Variants in SLC43A2 observed in about 807,000 individuals in gnomAD.
SLC43A2 encodes the protein large neutral amino acids transporter small subunit 4.
In SLC43A2, 38 loss-of-function variants were observed where a neutral mutation model predicts 63.2. The observed-to-expected ratio is 0.60, with a 90% CI of 0.46 to 0.79. The LOEUF is 0.79. Among genes scored for constraint, SLC43A2 ranks in the 30% least tolerant of loss-of-function variants. SLC43A2 has a pLI of 0.00. For missense variants in SLC43A2, 644 were observed against 756.2 expected (o/e 0.85, Z 1.74); for synonymous variants, 322 against 331.0 (o/e 0.97, Z 0.30).
chr17:1,575,540 G>A lies in SLC43A2; in HGVS notation c.*64C>T, dbSNP rs2075911127. On this transcript the variant is annotated 3_prime_UTR_variant, in exon 14 of 14. Transcript: ENST00000301335. ...CTGGGGGTGCGTGGGGTACTCTGGA[G>A]GGGCAGGACAGGGGTCAGTCACTGA... 5 of 1,605,390 alleles carry A rather than the reference G, an allele frequency of 3.1e-6. No individual in the cohort carries two copies. The Admixed American group carries it at 5.0e-5, about 16-fold the overall frequency.
At chr17:1,620,521 C>G (rs1908054397) in intron 2 of SLC43A2, among the ~76,000 whole-genome samples, 1 of 152,132 alleles carries the variant, frequency 6.6e-6, no homozygotes, top group Non-Finnish European at 1.5e-5. Context: ...GGGCAGGGAC[C>G]TTGCACGTAG....
chr17:1,584,462 C>T (rs542322816), intron 10 of SLC43A2, among the ~76,000 whole-genome samples: 21 of 152,228 alleles, frequency 1.4e-4, no homozygotes, highest in African/African-American at 3.6e-4. Context: ...ATGGAGTCCT[C>T]GGTGGAGGGC....
At chr17:1,623,859 G>A (rs1020341117) in intron 2 of SLC43A2, among the ~76,000 whole-genome samples, 1 of 146,988 alleles carries the variant, frequency 6.8e-6, no homozygotes, top group African/African-American at 2.5e-5. Flanking sequence ...TCTCCTCCAG[G>A]GTGTACCCTC....
At chr17:1,588,303 T>C (rs1280958495) in intron 9 of SLC43A2, among the ~76,000 whole-genome samples, 1 of 152,026 alleles carries the variant, frequency 6.6e-6, no homozygotes, top group Non-Finnish European at 1.5e-5. Flanking sequence ...GAACAATCGC[T>C]TGAACCCGAG....
At position 1,591,719 on chromosome 17, in the gene SLC43A2, C is replaced by A; in HGVS notation, c.595-20G>T. On this transcript the variant is annotated intron_variant, in intron 6 of 13. Transcript: ENST00000301335. ...GATGAGCTGACAGGCACCGCGGGGACGGGGTGGGGGGGGGAGGGGGCAGAG... is the reference window on the plus strand; with the variant it reads ...GATGAGCTGACAGGCACCGCGGGGAAGGGGTGGGGGGGGGAGGGGGCAGAG... 1 of 118,056 alleles carries A rather than the reference C, an allele frequency of 8.5e-6. No homozygotes were observed. The highest frequency in any genetic ancestry group is 1.8e-5 in the Non-Finnish European group (1 of 55,430). 7.3% of individuals were successfully genotyped at this position (118,056 alleles called of 1,614,324 possible).
intron 11 of SLC43A2, among the ~76,000 whole-genome samples, chr17:1,582,498 T>C (rs2076034919): frequency 6.6e-6 from 1 of 152,170 alleles, no homozygotes; most frequent in African/African-American, 2.4e-5. Context: ...CACCACAGAT[T>C]GGCCAGATCT....
intron 3 of SLC43A2, among the ~76,000 whole-genome samples, chr17:1,615,700 G>A (rs985680070): frequency 4.0e-4 from 60 of 148,922 alleles, no homozygotes; most frequent in Non-Finnish European, 6.6e-4. Context: ...AAAATTAGCC[G>A]GGCGTGGTGG....
intron 10 of SLC43A2, 113 bp downstream of exon 10, chr17:1,585,800 G>C: frequency 1.2e-6 from 2 of 1,602,534 alleles, no homozygotes; most frequent in African/African-American, 1.3e-5. Context: ...GGAGCAGCTG[G>C]AGTGCATTGC....
chr17:1,585,941 C>T lies in SLC43A2; in HGVS notation c.1189G>A (p.Glu397Lys), dbSNP rs200971388. Residue 397 changes from glutamate (E) to lysine (K), a missense_variant, in exon 10 of 14, where the codon GAG becomes AAG. Transcript: ENST00000301335. Reference sequence around the variant, plus strand: ...TTGGCGTCTTTCTCCTCGGGCTCCTCGGAGGCGTCTTCACACTCCTTCAGC... The same window carrying T: ...TTGGCGTCTTTCTCCTCGGGCTCCTTGGAGGCGTCTTCACACTCCTTCAGC... Reference protein sequence around the residue: ...WRLKECEDASEEPEEKDANQG... With the variant: ...WRLKECEDASKEPEEKDANQG... 135 of 1,613,676 alleles carry T rather than the reference C, an allele frequency of 8.4e-5. 4 individuals are homozygous for T. The South Asian group carries it at 1.2e-3, about 14-fold the overall frequency.
In SLC43A2 at chr17:1,575,663, C is replaced by T; in HGVS notation, c.1651G>A (p.Glu551Lys). The change falls in exon 14 of 14, where the codon GAG (glutamate) becomes AAG (lysine). Residue 551 changes from glutamate to lysine, a missense_variant. Around this residue, in one of 3 missense-constraint regions of SLC43A2, gnomAD observed 105 missense variants for 101.7 expected, o/e 1.03. Coordinates refer to ENST00000301335, the MANE Select transcript of SLC43A2 (RefSeq NM_152346.3). ...ATTTTGAGGAAGAGTTTGTCATCCT[C>T]CTGCCTCTGCTGCAGCTGCCGCTCC... is the stretch of plus-strand genomic sequence containing the variant. Reference protein sequence around the residue: ...QLERQLQQRQEDDKLFLKING... With the variant: ...QLERQLQQRQKDDKLFLKING... 1 of 1,614,056 alleles carries T rather than the reference C, an allele frequency of 6.2e-7. No homozygotes were observed. The highest frequency in any genetic ancestry group is 1.3e-5 in the African/African-American group (1 of 75,040).
chr17:1,594,590 C>CTT (rs59369068), intron 5 of SLC43A2, among the ~76,000 whole-genome samples: 2 of 105,606 alleles, frequency 1.9e-5, no homozygotes, highest in African/African-American at 7.0e-5. Flanking sequence ...TTCTTTCTTT[C>CTT]TTTTTTTTTT....
Position 1,600,152 on chromosome 17 carries a change from AT to A in SLC43A2, c.502-6874del, listed in dbSNP as rs1555541181. On this transcript the variant is annotated intron_variant, in intron 5 of 13. Coordinates refer to ENST00000301335, the MANE Select transcript of SLC43A2 (RefSeq NM_152346.3). ...ATTAATTGAATATATATATATATATATTTTTTTTTTTTTTTTGAGACGGAGT... is the reference window on the plus strand; with the variant it reads ...ATTAATTGAATATATATATATATATATTTTTTTTTTTTTTTGAGACGGAGT... 4.0e-3 allele frequency among the ~76,000 whole-genome samples: 241 copies of A among 60,264 alleles called. 1 individual carries two copies. The highest frequency in any genetic ancestry group is 5.7e-3 in the Non-Finnish European group (177 of 31,006). The allele number at this position is 60,264 out of a possible 152,430, so 39.5% of individuals were successfully genotyped here. A position where few individuals can be genotyped will look rare whatever the true frequency, so the allele number is the denominator to read the frequency against.
chr17:1,618,212 G>C (rs1907854748), intron 2 of SLC43A2, among the ~76,000 whole-genome samples: 1 of 152,262 alleles, frequency 6.6e-6, no homozygotes, highest in African/African-American at 2.4e-5. Flanking sequence ...TGGATGAAGA[G>C]CGTGGAACTG....
chr17:1,602,758 GT>G (rs555244484), intron 5 of SLC43A2, among the ~76,000 whole-genome samples: 1,593 of 135,014 alleles, frequency 0.012, 14 homozygotes, highest in African/African-American at 0.039. Flanking sequence ...TGTTTTTTCA[GT>G]TTTTTTTTTT....
At chr17:1,590,233 G>A (rs571771265) in intron 9 of SLC43A2, among the ~76,000 whole-genome samples, 1 of 152,202 alleles carries the variant, frequency 6.6e-6, no homozygotes, top group African/African-American at 2.4e-5. Flanking sequence ...TGCCCTGTTT[G>A]GAAAAGTGGA....
chr17:1,585,889 G>C (rs377629652), intron 10 of SLC43A2, 24 bp downstream of exon 10: 2 of 1,613,218 alleles, frequency 1.2e-6, no homozygotes, highest in South Asian at 1.1e-5. Flanking sequence ...GCTGGGAGCC[G>C]GGGCACCGGC....
intron 2 of SLC43A2, among the ~76,000 whole-genome samples, chr17:1,618,704 G>C (rs1020502041): frequency 6.6e-6 from 1 of 152,244 alleles, no homozygotes; most frequent in African/African-American, 2.4e-5. Flanking sequence ...AAACAACAGG[G>C]CCAGGTGTGG....
chr17:1,600,168 T>TTTTTTTTTTTA (rs1905833282), intron 5 of SLC43A2, among the ~76,000 whole-genome samples: 1 of 90,334 alleles, frequency 1.1e-5, no homozygotes, highest in Non-Finnish European at 2.3e-5. Context: ...TTTTTTTTTT[T>TTTTTTTTTTTA]GAGACGGAGT....
intron 5 of SLC43A2, among the ~76,000 whole-genome samples, chr17:1,609,184 T>C (rs991605515): frequency 6.6e-6 from 1 of 152,198 alleles, no homozygotes; most frequent in African/African-American, 2.4e-5. Context: ...CTCGTGTACG[T>C]GCTGGTGGGC....
Sources: allele counts gnomAD v4.1 joint callset (sites outside exome capture counted in the v4.1 genomes callset), GRCh38; gene constraint gnomAD v4.1.1; regional missense constraint gnomAD v4.1.1; transcripts MANE v1.5; gene names NCBI Gene and HGNC (gene_info 2026-07-23, HGNC 2026-07-21).